Variants in FMN1 observed in about 807,000 individuals in gnomAD.
FMN1 encodes formin 1.
Under a neutral mutation model 132.4 loss-of-function variants are expected in FMN1, and 110 were observed. The observed-to-expected ratio is 0.83, with a 90% CI of 0.71 to 0.97. FMN1 has a LOEUF of 0.97. FMN1 is among the 50% of genes least tolerant of loss of function. The pLI is 0.00. For synonymous variants in FMN1, 722 were observed against 651.7 expected (o/e 1.11, Z -1.64); for missense variants, 1,792 against 1,705.3 (o/e 1.05, Z -0.90).
intron 4 of FMN1, among the ~76,000 whole-genome samples, chr15:33,112,981 T>C (rs1432715777): frequency 6.6e-6 from 1 of 152,212 alleles, no homozygotes; most frequent in African/African-American, 2.4e-5. Context: ...CCTTCGCTGT[T>C]AGGTGCTTTG....
At chr15:32,830,185 T>C (rs774862031) in intron 17 of FMN1, among the ~76,000 whole-genome samples, 12 of 152,106 alleles carry the variant, frequency 7.9e-5, no homozygotes, top group Non-Finnish European at 1.6e-4. Flanking sequence ...TAAATGAAGT[T>C]ATTGGATATG....
At chr15:32,795,438 G>C (rs1256066049) in intron 19 of FMN1, among the ~76,000 whole-genome samples, 1 of 152,050 alleles carries the variant, frequency 6.6e-6, no homozygotes. Context: ...AATTAGAACC[G>C]CAGTTTCTAG....
At chr15:33,013,364 A>C (rs1462829984) in intron 6 of FMN1, among the ~76,000 whole-genome samples, 1 of 152,212 alleles carries the variant, frequency 6.6e-6, no homozygotes, top group Non-Finnish European at 1.5e-5. Flanking sequence ...TCAATTGCTA[A>C]ATGTAATAGT....
chr15:32,831,414 G>A (rs1237393238), intron 17 of FMN1, among the ~76,000 whole-genome samples: 1 of 152,004 alleles, frequency 6.6e-6, no homozygotes, highest in East Asian at 1.9e-4. Context: ...TGGAAGCTTG[G>A]GAAGTTTTTA....
intron 4 of FMN1, among the ~76,000 whole-genome samples, chr15:33,099,186 G>A (rs2039199144): frequency 6.6e-6 from 1 of 152,178 alleles, no homozygotes; most frequent in East Asian, 1.9e-4. Context: ...AGCTACTCTG[G>A]AGGCTGAGGT....
chr15:33,080,952 C>T (rs1460243453), intron 5 of FMN1, among the ~76,000 whole-genome samples: 1 of 152,106 alleles, frequency 6.6e-6, no homozygotes, highest in Non-Finnish European at 1.5e-5. Context: ...GAAATCTCCC[C>T]CACCCGGAGC....
intron 6 of FMN1, among the ~76,000 whole-genome samples, chr15:33,025,654 A>G (rs2035629682): frequency 6.6e-6 from 1 of 152,206 alleles, no homozygotes; most frequent in Non-Finnish European, 1.5e-5. Context: ...AGAATGTAGG[A>G]ACTATATATT....
chr15:32,938,539 T>C (rs2061331589), intron 9 of FMN1, among the ~76,000 whole-genome samples: 1 of 152,020 alleles, frequency 6.6e-6, no homozygotes, highest in Non-Finnish European at 1.5e-5. Context: ...GAAGAAATGT[T>C]CCAAATTTTG....
intron 16 of FMN1, among the ~76,000 whole-genome samples, chr15:32,873,700 AAAT>A (rs2059570436): frequency 6.6e-6 from 1 of 152,196 alleles, no homozygotes; most frequent in Non-Finnish European, 1.5e-5. Context: ...CTGAAATGAC[AAAT>A]AAATAGTATC....
intron 6 of FMN1, among the ~76,000 whole-genome samples, chr15:33,061,732 G>A (rs896566182): frequency 3.3e-5 from 5 of 151,922 alleles, no homozygotes; most frequent in African/African-American, 4.8e-5. Flanking sequence ...ACATATCAAA[G>A]ACAATAGAAG....
At chr15:33,175,412 C>T (rs1165794626) in intron 3 of FMN1, among the ~76,000 whole-genome samples, 1 of 152,102 alleles carries the variant, frequency 6.6e-6, no homozygotes, top group Non-Finnish European at 1.5e-5. Flanking sequence ...ATTATGGAGA[C>T]TTCCTAGGTT....
intron 9 of FMN1, among the ~76,000 whole-genome samples, chr15:32,951,022 T>C (rs1332000329): frequency 1.3e-5 from 2 of 152,170 alleles, no homozygotes; most frequent in African/African-American, 4.8e-5. Context: ...TTTTAAATTC[T>C]ATTCATGCAT....
chr15:33,066,741 C>G lies in FMN1; in HGVS notation c.2044-1667G>C, dbSNP rs190781509. 2.1e-5 allele frequency: 34 copies of G among 1,613,822 alleles called. No homozygotes were observed. In the East Asian group the frequency reaches 7.6e-4, roughly 36 times the overall value. On this transcript the variant is annotated intron_variant, in intron 5 of 20. Transcript: ENST00000616417. Reference sequence around the variant, plus strand: ...CCCTGGGTTTGTGGTACTCCAGGGCCGCTCTGGCTCTCTTGGTCAGCATTG... The same window carrying G: ...CCCTGGGTTTGTGGTACTCCAGGGCGGCTCTGGCTCTCTTGGTCAGCATTG...
chr15:32,913,647 T>C lies in FMN1; in HGVS notation c.3227-3112A>G, dbSNP rs1422490494. Among the ~76,000 whole-genome samples, 5 of 152,298 alleles carry C rather than the reference T, an allele frequency of 3.3e-5. No individual in the cohort carries two copies. The South Asian group carries it at 6.2e-4, about 19-fold the overall frequency. ...AAGTCCTCAATCTTTTCCTCTGCCA[T>C]GGTACCTCTCTCATATTTTACATAA... On this transcript the variant is annotated intron_variant, in intron 10 of 20. Transcript: ENST00000616417.
chr15:32,865,850 A>AAT lies in FMN1; in HGVS notation c.3836-8744_3836-8743insAT, dbSNP rs1555478250. ...AAACTCCACCTCAAAAAAAAAAAAA[A>AAT]AAATAAAATAAAATAAAATACCTAC... On this transcript the variant is annotated intron_variant, in intron 16 of 20. Coordinates refer to ENST00000616417, the MANE Select transcript of FMN1 (RefSeq NM_001277313.2). 1.9e-3 allele frequency among the ~76,000 whole-genome samples: 267 copies of AAT among 136,992 alleles called. 2 individuals carry two copies. Among genetic ancestry groups the AAT allele is most frequent in the Middle Eastern group, 7.5e-3 (2 of 266 alleles). The allele number at this position is 136,992 out of a possible 152,430, so 89.9% of individuals were successfully genotyped here. A position where few individuals can be genotyped will look rare whatever the true frequency, so the allele number is the denominator to read the frequency against.
chr15:33,143,770 T>C (rs946195560), intron 4 of FMN1, among the ~76,000 whole-genome samples: 10 of 152,214 alleles, frequency 6.6e-5, no homozygotes, highest in African/African-American at 2.4e-4. Context: ...AATCATAATT[T>C]TCTTAAAAGA....
At chr15:32,955,588 A>G (rs1210182355) in intron 9 of FMN1, among the ~76,000 whole-genome samples, 1 of 152,218 alleles carries the variant, frequency 6.6e-6, no homozygotes, top group Non-Finnish European at 1.5e-5. Flanking sequence ...TGGATTGAGG[A>G]TAAATGAATG....
chr15:32,767,668 TC>T lies in FMN1; in HGVS notation c.*6641del, dbSNP rs1567133463. On this transcript the variant is annotated 3_prime_UTR_variant, in exon 21 of 21. Coordinates refer to ENST00000616417, the MANE Select transcript of FMN1 (RefSeq NM_001277313.2). Reference sequence around the variant, plus strand: ...AAGTTCTTTTTATTAATGCATACTCTCTTTGAAGATAAGACATCTAGCTGAC... The same window carrying T: ...AAGTTCTTTTTATTAATGCATACTCTTTTGAAGATAAGACATCTAGCTGAC... The T allele has an allele frequency of 6.6e-6, 1 of 152,222 alleles. No homozygotes were observed. The highest frequency in any genetic ancestry group is 2.4e-5 in the African/African-American group (1 of 41,462). The allele number at this position is 152,222 out of a possible 1,614,324, so 9.4% of individuals were successfully genotyped here. A position where few individuals can be genotyped will look rare whatever the true frequency, so the allele number is the denominator to read the frequency against.
chr15:32,776,816 G>A lies in FMN1; in HGVS notation c.4215+19C>T. 1.4e-6 allele frequency: 2 copies of A among 1,478,062 alleles called. No homozygotes were observed. Among genetic ancestry groups the A allele is most frequent in the East Asian group, 2.3e-5 (1 of 43,012 alleles). 91.6% of individuals were successfully genotyped at this position (1,478,062 alleles called of 1,614,324 possible). A position where few individuals can be genotyped will look rare whatever the true frequency, so the allele number is the denominator to read the frequency against. On this transcript the variant is annotated intron_variant, in intron 20 of 20. Transcript: ENST00000616417. ...ATTTTCATGACAATCGTTAGATTAT[G>A]TTGAAAAATATATCTCACCAGGCTA...
Sources: gnomAD v4.1 joint callset for allele counts (sites outside exome capture counted in the v4.1 genomes callset) on GRCh38, gnomAD v4.1.1 for gene constraint, MANE v1.5 for transcripts, NCBI Gene and HGNC (gene_info 2026-07-23, HGNC 2026-07-21) for gene names.